Variants in HSD17B6 observed in about 807,000 individuals in gnomAD.
The protein encoded by HSD17B6 is hydroxysteroid 17-beta dehydrogenase 6, also known as 17-beta-hydroxysteroid dehydrogenase type 6.
Under a neutral mutation model 26.4 loss-of-function variants are expected in HSD17B6, and 16 were observed. The observed-to-expected ratio is 0.61, with a 90% CI of 0.41 to 0.92. HSD17B6 has a LOEUF of 0.92. HSD17B6 is among the 40% of genes least tolerant of loss of function. HSD17B6 has a pLI of 0.00. For synonymous variants in HSD17B6, 139 were observed against 153.0 expected (o/e 0.91, Z 0.68); for missense variants, 357 against 386.1 (o/e 0.92, Z 0.63).
chr12:56,777,545 G>A (rs919722854), intron 2 of HSD17B6, among the ~76,000 whole-genome samples: 1 of 151,818 alleles, frequency 6.6e-6, no homozygotes, highest in African/African-American at 2.4e-5. Flanking sequence ...TGTATTTTTA[G>A]TAGAGCTGGG....
chr12:56,774,896 C>G (rs894723474), intron 2 of HSD17B6, among the ~76,000 whole-genome samples: 1 of 152,228 alleles, frequency 6.6e-6, no homozygotes, highest in Non-Finnish European at 1.5e-5. Flanking sequence ...TCACCTCCTG[C>G]TGTGTGGCCT....
chr12:56,787,044 G>A, intron 4 of HSD17B6, 81 bp from the exon 5 acceptor site: 8 of 1,025,394 alleles, frequency 7.8e-6, no homozygotes, highest in Admixed American at 2.0e-5. Context: ...GAAATTAGAT[G>A]TGGTGAGACT....
chr12:56,784,807 G>A, intron 3 of HSD17B6, 46 bp from the exon 4 acceptor site: 1 of 1,575,050 alleles, frequency 6.3e-7, no homozygotes, highest in Non-Finnish European at 8.6e-7. Flanking sequence ...TGAAAGCATT[G>A]AAATGGTGGT....
At position 56,784,948 on chromosome 12, in the gene HSD17B6, T is replaced by A. The variant is rs1351117513; in HGVS notation, c.668T>A (p.Met223Lys). The A allele has an allele frequency of 6.2e-7, 1 of 1,614,024 alleles. No homozygotes were observed. The highest frequency in any genetic ancestry group is 1.3e-5 in the African/African-American group (1 of 74,966). Reference sequence around the variant, plus strand: ...AACATGACACAGTCCTTAGAGCGAATGAAGCAAAGTTGGAAAGAAGCCCCC... The same window carrying A: ...AACATGACACAGTCCTTAGAGCGAAAGAAGCAAAGTTGGAAAGAAGCCCCC... ...MTNMTQSLER[M>K]KQSWKEAPKH... The change falls in exon 4 of 5, where the codon ATG becomes AAG. Residue 223 changes from methionine to lysine, a missense_variant. Coordinates refer to ENST00000322165, the MANE Select transcript of HSD17B6 (RefSeq NM_003725.4).
intron 1 of HSD17B6, among the ~76,000 whole-genome samples, chr12:56,771,155 G>T (rs1041041652): frequency 2.6e-5 from 4 of 152,130 alleles, no homozygotes; most frequent in African/African-American, 9.7e-5. Context: ...AGACTTTCTT[G>T]GGGCTCTACT....
chr12:56,766,430 G>A (rs564825488), intron 1 of HSD17B6, among the ~76,000 whole-genome samples: 21 of 152,254 alleles, frequency 1.4e-4, no homozygotes, highest in African/African-American at 4.3e-4. Context: ...GAAATGCCCT[G>A]GTTCCCAATC....
intron 2 of HSD17B6, among the ~76,000 whole-genome samples, chr12:56,780,640 C>T (rs758657709): frequency 6.6e-5 from 10 of 151,920 alleles, no homozygotes; most frequent in Non-Finnish European, 1.2e-4. Context: ...GGGCAGATCA[C>T]GAGGTCAGGA....
At chr12:56,784,354 G>A (rs1195173543) in intron 3 of HSD17B6, among the ~76,000 whole-genome samples, 7 of 152,278 alleles carry the variant, frequency 4.6e-5, no homozygotes, top group African/African-American at 1.7e-4. Context: ...GTAGCGAGCC[G>A]AGATCACGCC....
intron 1 of HSD17B6, among the ~76,000 whole-genome samples, chr12:56,765,797 G>C (rs540604154): frequency 1.9e-3 from 294 of 152,196 alleles, no homozygotes; most frequent in African/African-American, 6.2e-3. Flanking sequence ...GTGAGCCACT[G>C]TGCCCAGCCT....
chr12:56,784,943 G>A lies in HSD17B6; in HGVS notation c.663G>A (p.Glu221=). Residue 221 remains glutamate, a synonymous_variant, in exon 4 of 5, where the codon GAG becomes GAA. Coordinates refer to ENST00000322165, the MANE Select transcript of HSD17B6 (RefSeq NM_003725.4). ...TGACAAACATGACACAGTCCTTAGA[G>A]CGAATGAAGCAAAGTTGGAAAGAAG... ...TGMTNMTQSL[E]RMKQSWKEAP... is the part of the protein sequence containing the mutation. 2 of 1,614,064 alleles carry A rather than the reference G, an allele frequency of 1.2e-6. No individual in the cohort carries two copies. The highest frequency in any genetic ancestry group is 1.1e-5 in the South Asian group (1 of 91,076).
intron 1 of HSD17B6, among the ~76,000 whole-genome samples, chr12:56,767,911 C>T (rs1954380015): frequency 6.7e-6 from 1 of 149,896 alleles, no homozygotes; most frequent in African/African-American, 2.5e-5. Context: ...TGTATACACA[C>T]ACGTATACAA....
chr12:56,775,291 C>T (rs1319787700), intron 2 of HSD17B6, among the ~76,000 whole-genome samples: 1 of 152,192 alleles, frequency 6.6e-6, no homozygotes, highest in Non-Finnish European at 1.5e-5. Flanking sequence ...GATCATAGCT[C>T]ACTGCAGCCT....
intron 1 of HSD17B6, among the ~76,000 whole-genome samples, chr12:56,766,380 G>C (rs1403689012): frequency 6.6e-6 from 1 of 152,200 alleles, no homozygotes; most frequent in Non-Finnish European, 1.5e-5. Flanking sequence ...CTCTGTACTT[G>C]CCATGTTCCA....
intron 2 of HSD17B6, among the ~76,000 whole-genome samples, chr12:56,776,065 A>G (rs1403042481): frequency 6.6e-6 from 1 of 150,656 alleles, no homozygotes; most frequent in Non-Finnish European, 1.5e-5. Context: ...AGCTGGCACT[A>G]CAAGCATGCA....
At chr12:56,780,185 G>T (rs147974664) in intron 2 of HSD17B6, among the ~76,000 whole-genome samples, 2 of 152,072 alleles carry the variant, frequency 1.3e-5, no homozygotes, top group African/African-American at 4.8e-5. Context: ...GTGTGTTTAG[G>T]TATGGATTTC....
chr12:56,772,937 G>A (rs188757179), intron 1 of HSD17B6, among the ~76,000 whole-genome samples: 8 of 152,082 alleles, frequency 5.3e-5, no homozygotes, highest in Admixed American at 2.0e-4. Context: ...TCATGCAGGC[G>A]TTGTGGTATA....
Position 56,785,159 on chromosome 12 carries a change from T to A in HSD17B6, c.736+143T>A, listed in dbSNP as rs1190135690. 7 of 840,190 alleles carry A rather than the reference T, an allele frequency of 8.3e-6. No homozygotes were observed. The Admixed American group carries it at 2.0e-4, about 24-fold the overall frequency. 52.0% of individuals were successfully genotyped at this position (840,190 alleles called of 1,614,324 possible). A position where few individuals can be genotyped will look rare whatever the true frequency, so the allele number is the denominator to read the frequency against. Reference sequence around the variant, plus strand: ...ACAGTTCTGCATGGCTGGGGAGTCCTCAGGAAACTTATAATCATGGCAGAA... The same window carrying A: ...ACAGTTCTGCATGGCTGGGGAGTCCACAGGAAACTTATAATCATGGCAGAA... On this transcript the variant is annotated intron_variant, in intron 4 of 4. Transcript: ENST00000322165.
intron 4 of HSD17B6, among the ~76,000 whole-genome samples, chr12:56,785,572 G>A (rs896754543): frequency 6.6e-6 from 1 of 152,230 alleles, no homozygotes; most frequent in African/African-American, 2.4e-5. Context: ...TGAGGAGGGG[G>A]ACATATAGGC....
chr12:56,781,803 A>G (rs1954719887), intron 2 of HSD17B6, among the ~76,000 whole-genome samples, 171 bp from the exon 3 acceptor site: 1 of 152,092 alleles, frequency 6.6e-6, no homozygotes, highest in Non-Finnish European at 1.5e-5. Context: ...CTTTGTCTCA[A>G]AAAAAAAGTT....
Sources: gnomAD v4.1 joint callset for allele counts (sites outside exome capture counted in the v4.1 genomes callset) on GRCh38, gnomAD v4.1.1 for gene constraint, MANE v1.5 for transcripts, NCBI Gene and HGNC (gene_info 2026-07-23, HGNC 2026-07-21) for gene names.